Variants in C9 observed in about 807,000 individuals in gnomAD.
C9 encodes the protein complement C9.
Under a neutral mutation model 65.4 loss-of-function variants are expected in C9, and 63 were observed. The observed-to-expected ratio is 0.96, with a 90% CI of 0.79 to 1.19. The LOEUF is 1.19. Among genes scored for constraint, C9 ranks in the 50% most tolerant of loss-of-function variants. The pLI is 0.00. For synonymous variants in C9, 229 were observed against 227.9 expected (o/e 1.00, Z -0.04); for missense variants, 744 against 670.1 (o/e 1.11, Z -1.22).
chr5:39,346,329 C>T (rs1011338386), intron 1 of C9, among the ~76,000 whole-genome samples: 1 of 152,012 alleles, frequency 6.6e-6, no homozygotes, highest in African/African-American at 2.4e-5. Context: ...CAAAAAATGA[C>T]AAAGGGGATA....
At chr5:39,311,548 C>T (rs1398138731) in intron 6 of C9, among the ~76,000 whole-genome samples, 171 bp from the exon 7 acceptor site, 1 of 152,124 alleles carries the variant, frequency 6.6e-6, no homozygotes, top group Non-Finnish European at 1.5e-5. Flanking sequence ...ACACCAACTA[C>T]TGATGAGAAT....
chr5:39,314,019 T>A (rs914496335), intron 6 of C9, among the ~76,000 whole-genome samples: 1 of 152,174 alleles, frequency 6.6e-6, no homozygotes, highest in Non-Finnish European at 1.5e-5. Flanking sequence ...TGAACTACCA[T>A]CATGTCTCAC....
intron 9 of C9, among the ~76,000 whole-genome samples, chr5:39,294,917 C>T (rs1411465337): frequency 6.6e-6 from 1 of 151,698 alleles, no homozygotes; most frequent in Non-Finnish European, 1.5e-5. Flanking sequence ...ATATGGAAAT[C>T]AATAAATGAG....
intron 9 of C9, among the ~76,000 whole-genome samples, chr5:39,290,117 G>C (rs1194197146): frequency 1.3e-5 from 2 of 151,830 alleles, no homozygotes; most frequent in Admixed American, 6.6e-5. Context: ...CAGGCATACA[G>C]TAAAGAATTT....
intron 1 of C9, among the ~76,000 whole-genome samples, chr5:39,359,019 T>TA (rs1269752220): frequency 3.0e-4 from 5 of 16,526 alleles, no homozygotes; most frequent in South Asian, 5.4e-3. Context: ...AAATAAAAAA[T>TA]ATATATATAT....
intron 4 of C9, among the ~76,000 whole-genome samples, chr5:39,340,283 A>C (rs1754050695): frequency 6.6e-6 from 1 of 152,218 alleles, no homozygotes; most frequent in African/African-American, 2.4e-5. Context: ...ATAAAGCCAT[A>C]TACCATCTCT....
intron 9 of C9, among the ~76,000 whole-genome samples, chr5:39,299,160 A>G (rs560692650): frequency 6.6e-6 from 1 of 152,110 alleles, no homozygotes; most frequent in East Asian, 1.9e-4. Context: ...ATACATAGAG[A>G]TTGAGAAAAT....
intron 9 of C9, among the ~76,000 whole-genome samples, chr5:39,302,781 A>G (rs1462599739): frequency 6.6e-6 from 1 of 152,180 alleles, no homozygotes; most frequent in Non-Finnish European, 1.5e-5. Context: ...TGCATGAAGT[A>G]GGTCACAAAT....
At chr5:39,302,618 C>G (rs1008920091) in intron 9 of C9, among the ~76,000 whole-genome samples, 1 of 152,078 alleles carries the variant, frequency 6.6e-6, no homozygotes, top group Non-Finnish European at 1.5e-5. Flanking sequence ...TGAATTACTA[C>G]ATCATGTAAC....
chr5:39,359,617 T>C (rs1338992837), intron 1 of C9, among the ~76,000 whole-genome samples: 1 of 151,880 alleles, frequency 6.6e-6, no homozygotes, highest in Non-Finnish European at 1.5e-5. Flanking sequence ...AAAAGGGAGG[T>C]ATTGATGCTG....
At chr5:39,356,500 G>C (rs992992327) in intron 1 of C9, among the ~76,000 whole-genome samples, 1 of 152,172 alleles carries the variant, frequency 6.6e-6, no homozygotes. Flanking sequence ...CACGTCAGTG[G>C]GACAGCCTGA....
At position 39,305,810 on chromosome 5, in the gene C9, T is replaced by A. The variant is rs956390532; in HGVS notation, c.1416+807A>T. ...AAAAAGGAAAAAAATCTACTGACCA[T>A]AAGAATTGTTCACCGTTAGTCTTAT... On this transcript the variant is annotated intron_variant, in intron 9 of 10. Coordinates refer to ENST00000263408, the MANE Select transcript of C9 (RefSeq NM_001737.5). Among the ~76,000 whole-genome samples, 3 of 152,208 alleles carry A rather than the reference T, an allele frequency of 2.0e-5. No individual in the cohort carries two copies. The East Asian group carries it at 5.8e-4, about 29-fold the overall frequency.
chr5:39,359,787 C>G (rs902755683), intron 1 of C9, among the ~76,000 whole-genome samples: 6 of 152,172 alleles, frequency 3.9e-5, no homozygotes, highest in Non-Finnish European at 7.4e-5. Flanking sequence ...ATTGCCATTT[C>G]CTTGTTAGCA....
chr5:39,350,990 G>T (rs1159324360), intron 1 of C9, among the ~76,000 whole-genome samples: 1 of 152,174 alleles, frequency 6.6e-6, no homozygotes, highest in Non-Finnish European at 1.5e-5. Context: ...GCAAACTTCT[G>T]CCTGGACATC....
intron 1 of C9, among the ~76,000 whole-genome samples, chr5:39,343,800 T>C (rs1754136618): frequency 6.6e-6 from 1 of 152,098 alleles, no homozygotes. Flanking sequence ...ACACCTCACA[T>C]GGCTGGGTAC....
chr5:39,331,940 A>G (rs1403072979), intron 4 of C9, 126 bp from the exon 5 acceptor site: 4 of 836,118 alleles, frequency 4.8e-6, no homozygotes, highest in Non-Finnish European at 8.3e-6. Flanking sequence ...TGTGTGCTAT[A>G]ATCAGGAACA....
chr5:39,315,624 A>G (rs890829859), intron 6 of C9, 151 bp downstream of exon 6: 6 of 624,542 alleles, frequency 9.6e-6, no homozygotes, highest in African/African-American at 9.2e-5. Flanking sequence ...ACTTTTCTCC[A>G]GTTAGTATTC....
At chr5:39,285,499 C>T (rs1440620486) in intron 10 of C9, among the ~76,000 whole-genome samples, 1 of 152,050 alleles carries the variant, frequency 6.6e-6, no homozygotes, top group Non-Finnish European at 1.5e-5. Context: ...GAACTGATTC[C>T]TGGAGAAATT....
chr5:39,321,938 A>T (rs1013876602), intron 5 of C9, among the ~76,000 whole-genome samples: 2 of 152,082 alleles, frequency 1.3e-5, no homozygotes, highest in Admixed American at 1.3e-4. Flanking sequence ...AACAATAGGC[A>T]GGTCATCTGG....
Sources: gnomAD v4.1 joint callset for allele counts (sites outside exome capture counted in the v4.1 genomes callset) on GRCh38, gnomAD v4.1.1 for gene constraint, MANE v1.5 for transcripts, NCBI Gene and HGNC (gene_info 2026-07-23, HGNC 2026-07-21) for gene names.